Variants in TOPBP1 observed in about 807,000 individuals in gnomAD.
The protein encoded by TOPBP1 is DNA topoisomerase 2-binding protein 1.
Under a neutral mutation model 167.7 loss-of-function variants are expected in TOPBP1, and 28 were observed. That is an observed-to-expected ratio of 0.17 (90% confidence interval 0.12 to 0.23). The LOEUF (loss-of-function observed/expected upper bound fraction) is 0.23. Ranked by LOEUF, TOPBP1 falls within the 10% of genes least tolerant of loss-of-function variation. The pLI is 1.00. For missense variants in TOPBP1, 1,554 were observed against 1,809.6 expected (o/e 0.86, Z 2.56); for synonymous variants, 598 against 611.4 (o/e 0.98, Z 0.32).
chr3:133,655,584 G>T, intron 5 of TOPBP1, 98 bp from the exon 6 acceptor site: 1 of 656,126 alleles, frequency 1.5e-6, no homozygotes, highest in Non-Finnish European at 2.2e-6. Flanking sequence ...CATTTTTTAG[G>T]ATTTATAATC....
chr3:133,604,196 G>A (rs553890947), intron 27 of TOPBP1, among the ~76,000 whole-genome samples: 33 of 151,722 alleles, frequency 2.2e-4, no homozygotes, highest in African/African-American at 7.5e-4. Flanking sequence ...GTGCAGTGGC[G>A]TGATCTCGTC....
Position 133,619,119 on chromosome 3 carries a change from A to AC in TOPBP1, c.3372-687_3372-686insG, listed in dbSNP as rs1280986795. ...CTTACACTGTGGAGAAGCAAAAAAA[A>AC]AAAAAACAAAAAACAAAAAACAAAA... On this transcript the variant is annotated intron_variant, in intron 20 of 27. Coordinates refer to ENST00000260810, the MANE Select transcript of TOPBP1 (RefSeq NM_007027.4). Among the ~76,000 whole-genome samples, 64 of 144,488 alleles carry AC rather than the reference A, an allele frequency of 4.4e-4. 1 individual carries two copies. Among genetic ancestry groups the AC allele is most frequent in the African/African-American group, 6.6e-4 (27 of 40,710 alleles). 94.8% of individuals were successfully genotyped at this position (144,488 alleles called of 152,430 possible). A position where few individuals can be genotyped will look rare whatever the true frequency, so the allele number is the denominator to read the frequency against.
At chr3:133,654,877 T>A (rs1337322500) in intron 6 of TOPBP1, among the ~76,000 whole-genome samples, 5 of 152,104 alleles carry the variant, frequency 3.3e-5, no homozygotes, top group African/African-American at 7.2e-5. Flanking sequence ...ATTAATGACA[T>A]GTCAGAAGTA....
chr3:133,622,353 G>A (rs879290612), intron 19 of TOPBP1, among the ~76,000 whole-genome samples: 13 of 151,588 alleles, frequency 8.6e-5, no homozygotes, highest in Admixed American at 4.6e-4. Flanking sequence ...CACCATGCCC[G>A]GCTAATTTTT....
chr3:133,635,326 T>A (rs989819877), intron 14 of TOPBP1, among the ~76,000 whole-genome samples: 1 of 152,158 alleles, frequency 6.6e-6, no homozygotes, highest in Admixed American at 6.5e-5. Context: ...GGATGATAGC[T>A]CACTGCAGCC....
At chr3:133,613,982 G>A (rs772039037) in intron 23 of TOPBP1, among the ~76,000 whole-genome samples, 2 of 151,632 alleles carry the variant, frequency 1.3e-5, no homozygotes, top group African/African-American at 4.9e-5. Flanking sequence ...TAGTAGAGAC[G>A]GGGTTTCACC....
intron 12 of TOPBP1, among the ~76,000 whole-genome samples, chr3:133,640,953 T>C (rs1424361495): frequency 6.6e-6 from 1 of 152,162 alleles, no homozygotes. Flanking sequence ...ACACAGAGAA[T>C]ACGGGGCAGA....
chr3:133,630,684 G>C (rs1935444430), intron 14 of TOPBP1, among the ~76,000 whole-genome samples: 1 of 151,978 alleles, frequency 6.6e-6, no homozygotes. Flanking sequence ...TGCAACCTCT[G>C]CCTCCAGGGC....
intron 27 of TOPBP1, among the ~76,000 whole-genome samples, chr3:133,602,036 T>C (rs1339113864): frequency 6.6e-6 from 1 of 152,158 alleles, no homozygotes; most frequent in African/African-American, 2.4e-5. Context: ...ACACAGTGTA[T>C]GAAGTAAACT....
intron 27 of TOPBP1, among the ~76,000 whole-genome samples, chr3:133,606,495 CTTTT>C (rs750468980): frequency 1.0e-4 from 13 of 125,454 alleles, no homozygotes; most frequent in African/African-American, 3.3e-4. Context: ...CACTCTAGGC[CTTTT>C]TTTTTTTTTT....
At position 133,652,630 on chromosome 3, in the gene TOPBP1, C is replaced by A; in HGVS notation, c.923-1G>T. 2 of 1,590,428 alleles carry A rather than the reference C, an allele frequency of 1.3e-6. No homozygotes were observed. The highest frequency in any genetic ancestry group is 1.7e-6 in the Non-Finnish European group (2 of 1,172,240). ...TTGCTGACATCTGAAAGAGTACGAC[C>A]TACATATTTTGAAAACGTATAAATT... is the stretch of plus-strand genomic sequence containing the variant. On this transcript the variant is annotated splice_acceptor_variant, in intron 7 of 27. Transcript: ENST00000260810. LOFTEE classifies it high-confidence loss of function.
chr3:133,628,454 T>C lies in TOPBP1; in HGVS notation c.2712A>G (p.Pro904=). 1 of 1,611,122 alleles carries C rather than the reference T, an allele frequency of 6.2e-7. No homozygotes were observed. Among genetic ancestry groups the C allele is most frequent in the Non-Finnish European group, 8.5e-7 (1 of 1,178,558 alleles). Reference sequence around the variant, plus strand: ...TAACACATACCACTACTTTGTGAAGTGGCTTTGGGGCTTCTTCCTGTCCAT... The same window carrying C: ...TAACACATACCACTACTTTGTGAAGCGGCTTTGGGGCTTCTTCCTGTCCAT... ...AQSEKEEAPK[P]LHKVVVCVSK... The change falls in exon 16 of 28, where the codon CCA becomes CCG. Residue 904 remains proline (P), a synonymous_variant. Transcript: ENST00000260810.
intron 14 of TOPBP1, among the ~76,000 whole-genome samples, chr3:133,631,435 T>C (rs1435191073): frequency 6.6e-6 from 1 of 152,216 alleles, no homozygotes; most frequent in Non-Finnish European, 1.5e-5. Flanking sequence ...ACTGCCTACC[T>C]GCAATTATAC....
chr3:133,608,983 G>A, intron 25 of TOPBP1, 21 bp from the exon 26 acceptor site: 1 of 1,571,630 alleles, frequency 6.4e-7, no homozygotes, highest in Non-Finnish European at 8.7e-7. Flanking sequence ...AAAACAATCA[G>A]TGGTGAAATC....
In TOPBP1 at chr3:133,638,062, A is replaced by T. The variant is rs1433410647; in HGVS notation, c.2334T>A (p.Val778=). The T allele has an allele frequency of 6.2e-7, 1 of 1,614,022 alleles. No individual in the cohort carries two copies. The highest frequency in any genetic ancestry group is 8.5e-7 in the Non-Finnish European group (1 of 1,179,870). The change falls in exon 14 of 28, where the codon GTT becomes GTA. Residue 778 remains valine, a synonymous_variant. Transcript: ENST00000260810. ...GAAAGCGGTTCATATCTAAAGGTGT[A>T]ACGACGGTTTTTCTGTGAGTTTGCA... ...TRLQTHRKTV[V]TPLDMNRFQS... is the part of the protein sequence containing the mutation.
At chr3:133,601,451 G>A (rs1176131364) in intron 27 of TOPBP1, 58 bp from the exon 28 acceptor site, 4 of 1,291,162 alleles carry the variant, frequency 3.1e-6, no homozygotes, top group Non-Finnish European at 3.1e-6. Context: ...ACGTGATCTG[G>A]TAATAGATTT....
At chr3:133,626,889 G>C (rs1272365233) in intron 16 of TOPBP1, among the ~76,000 whole-genome samples, 1 of 152,060 alleles carries the variant, frequency 6.6e-6, no homozygotes, top group Non-Finnish European at 1.5e-5. Context: ...ACAAATATTT[G>C]TAATAAAATG....
At chr3:133,601,930 T>C (rs896252232) in intron 27 of TOPBP1, among the ~76,000 whole-genome samples, 2 of 152,214 alleles carry the variant, frequency 1.3e-5, no homozygotes, top group Non-Finnish European at 2.9e-5. Context: ...AATTCTTCCA[T>C]GGATAACAGC....
Position 133,644,083 on chromosome 3 carries a change from C to T in TOPBP1, c.1785G>A (p.Val595=), listed in dbSNP as rs769807252. The T allele has an allele frequency of 1.2e-6, 2 of 1,613,746 alleles. No individual in the cohort carries two copies. The highest frequency in any genetic ancestry group is 4.5e-5 in the East Asian group (2 of 44,878). Residue 595 remains valine, a synonymous_variant, in exon 11 of 28, where the codon GTG becomes GTA. Transcript: ENST00000260810. The stretch of plus-strand genomic sequence containing the variant: ...CCACTTCACACCCCAGCAGAGGAAC[C>T]ACAGCATAATCCGCAACAGTTCTGC... ...LLSRTVADYA[V]VPLLGCEVEA... is the part of the protein sequence containing the mutation.
Sources: allele counts gnomAD v4.1 joint callset (sites outside exome capture counted in the v4.1 genomes callset), GRCh38; gene constraint gnomAD v4.1.1; transcripts MANE v1.5; gene names NCBI Gene and HGNC (gene_info 2026-07-23, HGNC 2026-07-21).